Variants in ZNF91 observed in about 807,000 individuals in gnomAD.
The protein encoded by ZNF91 is zinc finger protein 91, also known as zinc finger protein 91 (HPF7, HTF10).
Under a neutral mutation model 12.6 loss-of-function variants are expected in ZNF91, and 7 were observed. The ratio of observed to expected loss-of-function variants is 0.55; its 90% confidence interval spans 0.31 to 1.04. The LOEUF is 1.04. Among genes scored for constraint, ZNF91 ranks in the 50% least tolerant of loss-of-function variants. The probability of loss-of-function intolerance (pLI) is 0.05; values close to 1 mark genes in which losing one functional copy is unlikely to be tolerated. For missense variants in ZNF91, 1,217 were observed against 1,385.4 expected (o/e 0.88, Z 1.93); for synonymous variants, 453 against 462.6 (o/e 0.98, Z 0.27).
downstream of ZNF91, chr19:23,338,094 T>C (rs930648237): frequency 6.6e-6 from 1 of 152,122 alleles, no homozygotes. Context: ...AAACAATTGA[T>C]GAAAACTTTC....
chr19:23,335,255 T>G (rs1967984605), downstream of ZNF91, among the ~76,000 whole-genome samples: 1 of 152,208 alleles, frequency 6.6e-6, no homozygotes, highest in South Asian at 2.1e-4. Context: ...GTCTCCCAGT[T>G]AGGCTACTCG....
Position 23,361,694 on chromosome 19 carries a change from T to C in ZNF91, c.1285A>G (p.Thr429Ala). 1 of 1,611,536 alleles carries C rather than the reference T, an allele frequency of 6.2e-7. No homozygotes were observed. The highest frequency in any genetic ancestry group is 8.5e-7 in the Non-Finnish European group (1 of 1,178,564). ...TCACACTTGTAAGGTTTCTCTCCAG[T>C]ATGAATAAACTTATGTATAGTAAGA... The part of the protein sequence containing the change: ...SNLTIHKFIH[T>A]GEKPYKCEEC... The change falls in exon 4 of 4, where the codon ACT (threonine) becomes GCT (alanine). Residue 429 changes from threonine to alanine, a missense_variant. By Grantham distance (58) the Thr-to-Ala change is moderately conservative (BLOSUM62 0). Coordinates refer to ENST00000300619, the MANE Select transcript of ZNF91 (RefSeq NM_003430.4).
chr19:23,311,941 C>T (rs1265144180), upstream of ZNF91, among the ~76,000 whole-genome samples: 1 of 151,544 alleles, frequency 6.6e-6, no homozygotes, highest in African/African-American at 2.4e-5. Flanking sequence ...ATCACTGGAG[C>T]CAGCAGTAGG....
Position 23,362,452 on chromosome 19 carries a change from T to G in ZNF91, c.527A>C (p.His176Pro), listed in dbSNP as rs761670233. 1.9e-6 allele frequency: 3 copies of G among 1,612,024 alleles called. No individual in the cohort carries two copies. In the African/African-American group the frequency reaches 4.0e-5, roughly 22 times the overall value. Residue 176 changes from histidine (H) to proline (P), a missense_variant, in exon 4 of 4, where the codon CAT becomes CCT. Around this residue, in one of 2 missense-constraint regions of ZNF91, gnomAD observed 726 missense variants for 895.5 expected, o/e 0.81. Transcript: ENST00000300619. ...ACATTTGAAGCATTTCTTTCCAGTA[T>G]GTCTTATCGTATGTCTGTTTGAATT... is the stretch of plus-strand genomic sequence containing the variant. ...FLNSNRHTIR[H>P]TGKKCFKCKK...
chr19:23,334,941 T>C (rs1295823660), downstream of ZNF91, among the ~76,000 whole-genome samples: 1 of 152,248 alleles, frequency 6.6e-6, no homozygotes, highest in African/African-American at 2.4e-5. Flanking sequence ...GACGCCAGTT[T>C]TTCACATACC....
At chr19:23,370,527 G>C (rs536719998) in intron 3 of ZNF91, among the ~76,000 whole-genome samples, 1 of 150,604 alleles carries the variant, frequency 6.6e-6, no homozygotes, top group Non-Finnish European at 1.5e-5. Context: ...TTTTGAGACA[G>C]GGTCTCAATC....
In ZNF91 at chr19:23,359,880, T is replaced by C. The variant is rs773210526; in HGVS notation, c.3099A>G (p.Arg1033=). 2 of 1,588,476 alleles carry C rather than the reference T, an allele frequency of 1.3e-6. No individual in the cohort carries two copies. Among genetic ancestry groups the C allele is most frequent in the South Asian group, 2.2e-5 (2 of 89,832 alleles). ...TCTTATGTGTAGTAAGCTTTGAGGATCGATTAAAAGCTTTGCCACATTCTT... is the reference window on the plus strand; with the variant it reads ...TCTTATGTGTAGTAAGCTTTGAGGACCGATTAAAAGCTTTGCCACATTCTT... ...KCEECGKAFN[R]SSKLTTHKII... is the part of the protein sequence containing the mutation. Residue 1033 remains arginine (R), a synonymous_variant, in exon 4 of 4, where the codon CGA becomes CGG. Coordinates refer to ENST00000300619, the MANE Select transcript of ZNF91 (RefSeq NM_003430.4).
rs1446761781 is a variant in ZNF91, at chr19:23,383,643, G to T, written c.31-8879C>A. 4.0e-5 allele frequency among the ~76,000 whole-genome samples: 6 copies of T among 151,650 alleles called. No homozygotes were observed. In the East Asian group the frequency reaches 1.2e-3, roughly 30 times the overall value. ...GCAGAGGCTGCAGTTGGCCAAGATT[G>T]TGCCCCTGCACTCCAGCATGAGAGA... On this transcript the variant is annotated intron_variant, in intron 1 of 3. Coordinates refer to ENST00000300619, the MANE Select transcript of ZNF91 (RefSeq NM_003430.4).
Position 23,359,572 on chromosome 19 carries a change from C to T in ZNF91, c.3407G>A (p.Cys1136Tyr), listed in dbSNP as rs942981665. The T allele has an allele frequency of 1.2e-6, 2 of 1,613,754 alleles. No individual in the cohort carries two copies. The highest frequency in any genetic ancestry group is 1.3e-5 in the African/African-American group (1 of 74,854). ...IIHTGEKPYK[C>Y]EKCGKAFNQS... Reference sequence around the variant, plus strand: ...GTTAAAGGCTTTGCCACATTTTTCACATTTGTAGGGTTTCTCTCCAGTGTG... The same window carrying T: ...GTTAAAGGCTTTGCCACATTTTTCATATTTGTAGGGTTTCTCTCCAGTGTG... The change falls in exon 4 of 4, where the codon TGT becomes TAT. Residue 1136 changes from cysteine (C) to tyrosine (Y), a missense_variant. Cys to Tyr is a radical substitution (Grantham distance 194, BLOSUM62 -2). This residue lies in a region of ZNF91 where 491 missense variants were observed against 489.8 expected (regional missense o/e 1.00). Coordinates refer to ENST00000300619, the MANE Select transcript of ZNF91 (RefSeq NM_003430.4).
chr19:23,324,301 T>C (rs988619716), intron 1 of ZNF91: 1 of 151,576 alleles, frequency 6.6e-6, no homozygotes, highest in African/African-American at 2.4e-5. Context: ...TTTTCTCTTC[T>C]AGTTCTTCTC....
intron 1 of ZNF91, among the ~76,000 whole-genome samples, chr19:23,389,158 T>TAAAA (rs200649598): frequency 3.4e-5 from 5 of 146,048 alleles, no homozygotes; most frequent in Admixed American, 2.7e-4. Context: ...AATAGAAGTT[T>TAAAA]AAAAAAAAAA....
rs941760603 is a variant in ZNF91 at position 23,395,405 on chromosome 19, G to A, written c.-51C>T. 3.7e-6 allele frequency: 6 copies of A among 1,605,388 alleles called. No homozygotes were observed. In the East Asian group the frequency reaches 8.9e-5, roughly 24 times the overall value. On this transcript the variant is annotated 5_prime_UTR_variant, in exon 1 of 4. Coordinates refer to ENST00000300619, the MANE Select transcript of ZNF91 (RefSeq NM_003430.4). ...CAGGTCACAGGGCCACACAGGCTGG[G>A]CCTCCTGGAGCAGAGGACACAGAGC...
intron 1 of ZNF91, among the ~76,000 whole-genome samples, chr19:23,329,813 G>A (rs1967895175): frequency 6.6e-6 from 1 of 152,196 alleles, no homozygotes; most frequent in South Asian, 2.1e-4. Context: ...GCTAGAAGCT[G>A]GAGTGCAGGC....
chr19:23,383,583 G>A (rs1377823481), intron 1 of ZNF91, among the ~76,000 whole-genome samples: 2 of 152,010 alleles, frequency 1.3e-5, no homozygotes, highest in Non-Finnish European at 2.9e-5. Context: ...AGCTACTCAA[G>A]AGGCCGAGGA....
In ZNF91 at chr19:23,386,420, C is replaced by T. The variant is rs576212292; in HGVS notation, c.30+8905G>A. 5.0e-4 allele frequency among the ~76,000 whole-genome samples: 76 copies of T among 152,252 alleles called. No homozygotes were observed. The South Asian group carries it at 0.012, about 23-fold the overall frequency. ...CCTGTTTTCAAATTATACTGCAAAG[C>T]TACAGTAAACAAAGCAACATGGAAC... On this transcript the variant is annotated intron_variant, in intron 1 of 3. Coordinates refer to ENST00000300619, the MANE Select transcript of ZNF91 (RefSeq NM_003430.4).
intron 3 of ZNF91, among the ~76,000 whole-genome samples, chr19:23,346,943 T>A (rs1484741835): frequency 6.6e-6 from 1 of 152,152 alleles, no homozygotes; most frequent in Non-Finnish European, 1.5e-5. Context: ...CATCTAAACT[T>A]GGCCACGCCA....
chr19:23,341,609 A>G (rs1314132392), intron 3 of ZNF91, among the ~76,000 whole-genome samples: 1 of 152,132 alleles, frequency 6.6e-6, no homozygotes, highest in Non-Finnish European at 1.5e-5. Context: ...TATACAAATG[A>G]CCAATAGATA....
At chr19:23,370,964 A>G (rs1969253190) in intron 3 of ZNF91, among the ~76,000 whole-genome samples, 1 of 152,254 alleles carries the variant, frequency 6.6e-6, no homozygotes, top group Admixed American at 6.5e-5. Flanking sequence ...CACAAAGGAA[A>G]TACATATTCA....
rs573559257 is a variant in ZNF91 at position 23,347,141 on chromosome 19, A to G, written c.254-8087T>C. 2.8e-4 allele frequency among the ~76,000 whole-genome samples: 42 copies of G among 152,016 alleles called. 1 individual carries two copies. The highest frequency in any genetic ancestry group is 2.3e-3 in the South Asian group (11 of 4,820). ...CCCCCTACACACTGTTCAAGCCAAT[A>G]TGCTCTTCCTAGGCACCACCTCCCA... is the stretch of plus-strand genomic sequence containing the variant. On this transcript the variant is annotated intron_variant, in intron 3 of 3. Transcript: ENST00000599743.
Sources: gnomAD v4.1 joint callset for allele counts (sites outside exome capture counted in the v4.1 genomes callset) on GRCh38, gnomAD v4.1.1 for gene constraint, gnomAD v4.1.1 regional missense constraint, MANE v1.5 for transcripts, NCBI Gene and HGNC (gene_info 2026-07-23, HGNC 2026-07-21) for gene names.